The following TSPAN15 variants were observed in gnomAD, a reference collection of about 807,000 sequenced individuals.
TSPAN15 encodes the protein tetraspanin-15.
In TSPAN15, 20 loss-of-function variants were observed where a neutral mutation model predicts 34.5. That is an observed-to-expected ratio of 0.58 (90% CI 0.41 to 0.84). The LOEUF is 0.84. Ranked by LOEUF, TSPAN15 falls within the 40% of genes least tolerant of loss-of-function variation. TSPAN15 has a pLI of 0.00. For missense variants in TSPAN15, 313 were observed against 386.1 expected, an observed-to-expected ratio of 0.81 and a Z score of 1.59; for synonymous variants, 155 against 153.9, an observed-to-expected ratio of 1.01 and a Z score of -0.05.
At chr10:69,510,130 C>T (rs1345492770), downstream of TSPAN15, among the ~76,000 whole-genome samples, 1 of 152,184 alleles carries the variant, frequency 6.6e-6, no homozygotes, top group African/African-American at 2.4e-5. Context: ...TCAATGGTAG[C>T]TTGATGGGGA....
the TSPAN15 span, among the ~76,000 whole-genome samples, chr10:69,539,527 A>AGAAGGAGAAGG: frequency 1.1e-5 from 1 of 91,334 alleles, no homozygotes; most frequent in South Asian, 3.4e-4. Context: ...GAAGAAGAAG[A>AGAAGGAGAAGG]AGAAGAAGAA....
intron 1 of TSPAN15, among the ~76,000 whole-genome samples, chr10:69,473,813 C>G (rs890061598): frequency 6.6e-6 from 1 of 152,186 alleles, no homozygotes; most frequent in South Asian, 2.1e-4. Flanking sequence ...AGGCCCTGCA[C>G]GTTCCAGACA....
At chr10:69,504,632 TTTTCC>T in intron 6 of TSPAN15, 147 bp downstream of exon 6, 1 of 816,274 alleles carries the variant, frequency 1.2e-6, no homozygotes, top group Non-Finnish European at 2.0e-6. Context: ...ACTGCTGTGG[TTTTCC>T]ACCCCAGCAC....
intron 5 of TSPAN15, 93 bp downstream of exon 5, chr10:69,498,489 G>T: frequency 9.8e-7 from 1 of 1,015,814 alleles, no homozygotes; most frequent in South Asian, 1.4e-5. Flanking sequence ...GAAGATGGGT[G>T]GTGTGGGTGG....
At chr10:69,532,968 G>A in the TSPAN15 span, among the ~76,000 whole-genome samples, 1 of 152,118 alleles carries the variant, frequency 6.6e-6, no homozygotes, top group Non-Finnish European at 1.5e-5. Context: ...AAATCAAATT[G>A]CAATGCGTTA....
At chr10:69,495,448 G>A (rs1842058829) in intron 3 of TSPAN15, 146 bp from the exon 4 acceptor site, 5 of 626,626 alleles carry the variant, frequency 8.0e-6, no homozygotes, top group East Asian at 5.5e-5. Context: ...GGCATCCAGG[G>A]TGGGGAGTGG....
At chr10:69,545,150 A>C in the TSPAN15 span, among the ~76,000 whole-genome samples, 4,755 of 152,226 alleles carry the variant, frequency 0.031, 236 homozygotes, top group African/African-American at 0.11. Context: ...TTTAGGCCCC[A>C]AGGATGGCAC....
intron 1 of TSPAN15, among the ~76,000 whole-genome samples, chr10:69,480,708 T>G (rs1423456325): frequency 6.6e-6 from 1 of 152,120 alleles, no homozygotes; most frequent in African/African-American, 2.4e-5. Flanking sequence ...CTTTTCTTCT[T>G]CTTTTTTGAG....
At chr10:69,517,376 C>G in the TSPAN15 span, among the ~76,000 whole-genome samples, 1 of 152,240 alleles carries the variant, frequency 6.6e-6, no homozygotes, top group Non-Finnish European at 1.5e-5. Flanking sequence ...AGACCAACAC[C>G]ATCAGCAAGG....
chr10:69,513,068 C>G, the TSPAN15 span, among the ~76,000 whole-genome samples: 4 of 152,172 alleles, frequency 2.6e-5, no homozygotes, highest in African/African-American at 7.2e-5. Context: ...TATGAGAGTT[C>G]TGGTTTCCCT....
At chr10:69,481,785 CT>C (rs1294215842) in intron 1 of TSPAN15, among the ~76,000 whole-genome samples, 1 of 152,202 alleles carries the variant, frequency 6.6e-6, no homozygotes, top group Admixed American at 6.5e-5. Context: ...CCCATGTTGC[CT>C]TCAGCTTAGT....
the TSPAN15 span, among the ~76,000 whole-genome samples, chr10:69,539,458 A>AGAAGG: frequency 7.4e-4 from 49 of 66,326 alleles, 5 homozygotes; most frequent in African/African-American, 2.6e-3. Flanking sequence ...GAAGAAGAAG[A>AGAAGG]AGAAGGAGAA....
chr10:69,516,329 A>T, the TSPAN15 span, among the ~76,000 whole-genome samples: 1 of 152,122 alleles, frequency 6.6e-6, no homozygotes, highest in Non-Finnish European at 1.5e-5. Context: ...GATTTGAACC[A>T]CTCTGCCTGC....
chr10:69,496,308 A>C (rs1842079782), intron 4 of TSPAN15, among the ~76,000 whole-genome samples: 1 of 142,992 alleles, frequency 7.0e-6, no homozygotes. Flanking sequence ...GGTCCACCCA[A>C]ATCTGTTGGT....
the TSPAN15 span, among the ~76,000 whole-genome samples, chr10:69,519,924 G>T: frequency 6.6e-6 from 1 of 152,132 alleles, no homozygotes; most frequent in Admixed American, 6.5e-5. Context: ...TAGAGATGGG[G>T]TTTCTCCATG....
At chr10:69,456,192 A>G (rs1455882764) in intron 1 of TSPAN15, among the ~76,000 whole-genome samples, 2 of 150,976 alleles carry the variant, frequency 1.3e-5, no homozygotes, top group Admixed American at 6.6e-5. Flanking sequence ...GGCTCAAGCG[A>G]TTCTCCTGCC....
chr10:69,496,357 A>G (rs1842084353), intron 4 of TSPAN15, among the ~76,000 whole-genome samples: 1 of 147,706 alleles, frequency 6.8e-6, no homozygotes, highest in South Asian at 2.1e-4. Flanking sequence ...TAATAATAAT[A>G]ATAATAATAA....
At chr10:69,521,529 C>A in the TSPAN15 span, among the ~76,000 whole-genome samples, 3 of 147,576 alleles carry the variant, frequency 2.0e-5, 1 homozygote, top group Non-Finnish European at 4.5e-5. Context: ...GAGCCAAGAT[C>A]ACACCAGTGC....
Position 69,507,502 on chromosome 10 carries a change from C to T in TSPAN15, c.*524C>T, listed in dbSNP as rs1319831937. 2 of 1,304,376 alleles carry T rather than the reference C, an allele frequency of 1.5e-6. No homozygotes were observed. The highest frequency in any genetic ancestry group is 2.0e-6 in the Non-Finnish European group (2 of 989,286). The allele number at this position is 1,304,376 out of a possible 1,614,324, so 80.8% of individuals were successfully genotyped here. A position where few individuals can be genotyped will look rare whatever the true frequency, so the allele number is the denominator to read the frequency against. The stretch of plus-strand genomic sequence containing the variant: ...GCCCTCTTGCAAGGGCGGCTGCTTC[C>T]TTGAGCCTAGTTTTTTTACGTGATT... On this transcript the variant is annotated 3_prime_UTR_variant, in exon 8 of 8. Coordinates refer to ENST00000373290, the MANE Select transcript of TSPAN15 (RefSeq NM_012339.5).
Sources: gnomAD v4.1 joint callset for allele counts (sites outside exome capture counted in the v4.1 genomes callset) on GRCh38, gnomAD v4.1.1 for gene constraint, MANE v1.5 for transcripts, NCBI Gene and HGNC (gene_info 2026-07-23, HGNC 2026-07-21) for gene names.